The following MACO1 variants were observed in gnomAD, a reference collection of about 807,000 sequenced individuals.
The protein encoded by MACO1 is macoilin 1, also known as macoilin.
MACO1 carries 14 observed loss-of-function variants against 78.7 expected under a neutral mutation model. The ratio of observed to expected loss-of-function variants is 0.18; its 90% CI spans 0.12 to 0.28. The LOEUF (loss-of-function observed/expected upper bound fraction) is 0.28, where lower values mean the gene tolerates loss of function less well. MACO1 is among the 10% of genes least tolerant of loss of function. The pLI is 1.00. For synonymous variants in MACO1, 288 were observed against 291.6 expected (o/e 0.99, Z 0.12); for missense variants, 501 against 799.0 (o/e 0.63, Z 4.50).
intron 6 of MACO1, among the ~76,000 whole-genome samples, chr1:25,467,348 A>G (rs2043228585): frequency 6.6e-6 from 1 of 152,220 alleles, no homozygotes; most frequent in Admixed American, 6.5e-5. Context: ...AGGCCTGCAG[A>G]GGAATCAACA....
At position 25,446,774 on chromosome 1, in the gene MACO1, C is replaced by T. The variant is rs1358442133; in HGVS notation, c.93C>T (p.Tyr31=). The change falls in exon 2 of 11, where the codon TAC becomes TAT. Residue 31 remains tyrosine (Y), a synonymous_variant. Coordinates refer to ENST00000374343, the MANE Select transcript of MACO1 (RefSeq NM_018202.6). ...TEGIYGSTFL[Y]LKFLVVWALV... is the part of the protein sequence containing the mutation. Reference sequence around the variant, plus strand: ...TTATATTTTGCAGTACATTTTTATACCTGAAATTCCTGGTGGTGTGGGCAC... The same window carrying T: ...TTATATTTTGCAGTACATTTTTATATCTGAAATTCCTGGTGGTGTGGGCAC... The T allele has an allele frequency of 3.1e-6, 5 of 1,610,836 alleles. No homozygotes were observed. The East Asian group carries it at 6.7e-5, about 22-fold the overall frequency.
intron 8 of MACO1, among the ~76,000 whole-genome samples, chr1:25,487,642 G>T (rs1571988808): frequency 6.6e-6 from 1 of 152,174 alleles, no homozygotes; most frequent in East Asian, 1.9e-4. Flanking sequence ...GCTCAACAGT[G>T]TGCCCTTATT....
At chr1:25,456,582 T>C (rs897612393) in intron 4 of MACO1, 71 bp from the exon 5 acceptor site, 67 of 1,475,736 alleles carry the variant, frequency 4.5e-5, no homozygotes, top group Non-Finnish European at 9.2e-6. Flanking sequence ...GCCATAGGTA[T>C]TCTCATGTGC....
At chr1:25,484,662 G>A (rs2043412745) in intron 7 of MACO1, among the ~76,000 whole-genome samples, 1 of 152,210 alleles carries the variant, frequency 6.6e-6, no homozygotes, top group Non-Finnish European at 1.5e-5. Flanking sequence ...ACTAAAAGAT[G>A]ACATTGAACT....
chr1:25,484,359 T>C, intron 7 of MACO1, 85 bp downstream of exon 7: 2 of 1,401,382 alleles, frequency 1.4e-6, no homozygotes, highest in Non-Finnish European at 1.9e-6. Flanking sequence ...ACAAGATTTA[T>C]GGTGACAGAG....
At position 25,498,585 on chromosome 1, in the gene MACO1, T is replaced by A; in HGVS notation, c.*119T>A. On this transcript the variant is annotated 3_prime_UTR_variant, in exon 11 of 11. Coordinates refer to ENST00000374343, the MANE Select transcript of MACO1 (RefSeq NM_018202.6). ...GTATTTTGTGGAACTGTATCTGTTGTCATTTTTAAAAAGGGGGGAAAAGAT... is the reference window on the plus strand; with the variant it reads ...GTATTTTGTGGAACTGTATCTGTTGACATTTTTAAAAAGGGGGGAAAAGAT... The A allele has an allele frequency of 1.0e-6, 1 of 961,770 alleles. No individual in the cohort carries two copies. Among genetic ancestry groups the A allele is most frequent in the Non-Finnish European group, 1.5e-6 (1 of 650,058 alleles). 59.6% of individuals were successfully genotyped at this position (961,770 alleles called of 1,614,324 possible). A position where few individuals can be genotyped will look rare whatever the true frequency, so the allele number is the denominator to read the frequency against.
At position 25,448,874 on chromosome 1, in the gene MACO1, A is replaced by T. The variant is rs936519858; in HGVS notation, c.289A>T (p.Ile97Leu). ...TATAATATGCCTGCTGTTCATCCCC[A>T]TACAGTGGCTTTTTTTTGCTGCTAG... is the stretch of plus-strand genomic sequence containing the variant. ...SNIICLLFIP[I>L]QWLFFAASTY... Residue 97 changes from isoleucine (I) to leucine (L), a missense_variant, in exon 3 of 11, where the codon ATA (isoleucine) becomes TTA (leucine). Ile to Leu is a conservative substitution (Grantham distance 5). Around this residue, in one of 5 missense-constraint regions of MACO1, gnomAD observed 171 missense variants for 292.1 expected, o/e 0.59. Coordinates refer to ENST00000374343, the MANE Select transcript of MACO1 (RefSeq NM_018202.6). 4 of 1,556,902 alleles carry T rather than the reference A, an allele frequency of 2.6e-6. No homozygotes were observed. Among genetic ancestry groups the T allele is most frequent in the Non-Finnish European group, 3.5e-6 (4 of 1,140,724 alleles).
chr1:25,480,350 A>G (rs1310429651), intron 6 of MACO1, among the ~76,000 whole-genome samples: 1 of 152,234 alleles, frequency 6.6e-6, no homozygotes, highest in Non-Finnish European at 1.5e-5. Flanking sequence ...CAGTTTGGAA[A>G]ATAATTCACA....
At chr1:25,442,457 G>A (rs1010572619) in intron 1 of MACO1, among the ~76,000 whole-genome samples, 13 of 152,148 alleles carry the variant, frequency 8.5e-5, no homozygotes, top group African/African-American at 2.4e-4. Context: ...TGAACTAAAT[G>A]GCCATTAGTC....
intron 10 of MACO1, 69 bp downstream of exon 10, chr1:25,491,653 C>T: frequency 1.8e-5 from 24 of 1,367,772 alleles, no homozygotes; most frequent in East Asian, 2.3e-5. Context: ...GGCCAGACCT[C>T]TCCTGAGAGC....
intron 1 of MACO1, among the ~76,000 whole-genome samples, chr1:25,444,127 T>C (rs1436528840): frequency 6.7e-6 from 1 of 149,282 alleles, no homozygotes; most frequent in African/African-American, 2.5e-5. Flanking sequence ...GGTGTGGTGG[T>C]GTGCACCTGT....
intron 6 of MACO1, among the ~76,000 whole-genome samples, chr1:25,478,061 A>T (rs1000251887): frequency 6.6e-6 from 1 of 152,034 alleles, no homozygotes; most frequent in African/African-American, 2.4e-5. Flanking sequence ...CCTGGTCAAC[A>T]TGGTAAAACC....
At chr1:25,452,498 G>A (rs532377156) in intron 3 of MACO1, among the ~76,000 whole-genome samples, 52 of 152,262 alleles carry the variant, frequency 3.4e-4, no homozygotes, top group African/African-American at 1.2e-3. Context: ...GTACTTAAGT[G>A]TCAGAAACAT....
At chr1:25,439,575 C>T (rs955350333) in intron 1 of MACO1, among the ~76,000 whole-genome samples, 1 of 151,928 alleles carries the variant, frequency 6.6e-6, no homozygotes, top group Non-Finnish European at 1.5e-5. Flanking sequence ...TCTTCTCAGC[C>T]TGCTCCCCTT....
In MACO1 at chr1:25,437,900, A is replaced by G. The variant is rs2042933510; in HGVS notation, c.80+6722A>G. Among the ~76,000 whole-genome samples the G allele has an allele frequency of 2.0e-5, 3 of 152,152 alleles. No homozygotes were observed. In the South Asian group the frequency reaches 6.2e-4, roughly 32 times the overall value. On this transcript the variant is annotated intron_variant, in intron 1 of 10. Transcript: ENST00000374343. ...CGTGTCACTACACTCCAGCCTGGGCAATAGAGCAAGACCCTGTGTCAAAAA... is the reference window on the plus strand; with the variant it reads ...CGTGTCACTACACTCCAGCCTGGGCGATAGAGCAAGACCCTGTGTCAAAAA...
At chr1:25,475,457 A>G (rs2043313632) in intron 6 of MACO1, among the ~76,000 whole-genome samples, 1 of 151,924 alleles carries the variant, frequency 6.6e-6, no homozygotes. Context: ...CACGCCTGTA[A>G]TCTGAACACT....
chr1:25,483,199 C>G (rs989459222), intron 6 of MACO1, among the ~76,000 whole-genome samples: 3 of 152,078 alleles, frequency 2.0e-5, no homozygotes, highest in Non-Finnish European at 4.4e-5. Context: ...TACAGGCACG[C>G]GCCACCATGC....
At chr1:25,493,548 C>T (rs1387998690) in intron 10 of MACO1, among the ~76,000 whole-genome samples, 3 of 151,780 alleles carry the variant, frequency 2.0e-5, no homozygotes, top group Non-Finnish European at 2.9e-5. Flanking sequence ...CTGTGCTCAG[C>T]CAAATTAATT....
intron 10 of MACO1, among the ~76,000 whole-genome samples, chr1:25,492,491 G>C (rs1045437944): frequency 1.3e-5 from 2 of 152,074 alleles, no homozygotes; most frequent in Admixed American, 1.3e-4. Flanking sequence ...TTCCGGGGAG[G>C]GGGCAGCAAG....
Sources: allele counts gnomAD v4.1 joint callset (sites outside exome capture counted in the v4.1 genomes callset), GRCh38; gene constraint gnomAD v4.1.1; regional missense constraint gnomAD v4.1.1; transcripts MANE v1.5; gene names NCBI Gene and HGNC (gene_info 2026-07-23, HGNC 2026-07-21).